The following BUD23 variants were observed in gnomAD, a reference collection of about 807,000 sequenced individuals.
The protein encoded by BUD23 is BUD23 rRNA methyltransferase and ribosome maturation factor.
In BUD23, 34 loss-of-function variants were observed where a neutral mutation model predicts 47.0. The ratio of observed to expected loss-of-function variants is 0.72; its 90% CI spans 0.55 to 0.96. The LOEUF is 0.96. BUD23 is among the 40% of genes least tolerant of loss of function. The probability of loss-of-function intolerance (pLI) is 0.00; values close to 1 mark genes in which losing one functional copy is unlikely to be tolerated. For missense variants in BUD23, 343 were observed against 361.2 expected (o/e 0.95, Z 0.41); for synonymous variants, 124 against 132.0 (o/e 0.94, Z 0.41).
chr7:73,694,994 A>C (rs1798344916), intron 10 of BUD23: 1 of 152,274 alleles, frequency 6.6e-6, no homozygotes, highest in African/African-American at 2.4e-5. Context: ...TCTGTTACCC[A>C]GGCTAGAGTG....
chr7:73,690,063 CA>C (rs1167326657), intron 5 of BUD23, among the ~76,000 whole-genome samples: 1 of 151,936 alleles, frequency 6.6e-6, no homozygotes, highest in African/African-American at 2.4e-5. Context: ...GGCTGGAGTA[CA>C]GTGGCACAAG....
chr7:73,684,826 A>C (rs2116664540), intron 2 of BUD23, among the ~76,000 whole-genome samples: 1 of 143,808 alleles, frequency 7.0e-6, no homozygotes, highest in African/African-American at 2.6e-5. Context: ...CGGGAGGCTG[A>C]GGCAGGAGAA....
chr7:73,691,859 G>A (rs55784670), intron 6 of BUD23, among the ~76,000 whole-genome samples: 39,920 of 151,964 alleles, frequency 0.26, 6,373 homozygotes, highest in South Asian at 0.35. Flanking sequence ...CTGGCATCAG[G>A]CTCCCAAAGT....
chr7:73,694,168 G>A (rs1287474623), intron 10 of BUD23, 118 bp downstream of exon 10: 3 of 1,080,308 alleles, frequency 2.8e-6, no homozygotes, highest in Non-Finnish European at 4.0e-6. Flanking sequence ...GGGACACCAA[G>A]GTGACGGTAG....
At chr7:73,692,707 TG>T in intron 7 of BUD23, 61 bp downstream of exon 7, 1 of 1,520,124 alleles carries the variant, frequency 6.6e-7, no homozygotes. Context: ...TAAGCTGTCC[TG>T]GGGAAGCGAC....
chr7:73,692,807 AG>A (rs1332799218), intron 7 of BUD23, 161 bp downstream of exon 7: 2 of 649,304 alleles, frequency 3.1e-6, no homozygotes, highest in East Asian at 2.8e-5. Context: ...TGATATCCTA[AG>A]GGGGTGGCAT....
At position 73,692,644 on chromosome 7, in the gene BUD23, C is replaced by T. The variant is rs1798235860; in HGVS notation, c.508C>T (p.Gln170Ter). 2.5e-6 allele frequency: 4 copies of T among 1,613,230 alleles called. No homozygotes were observed. Among genetic ancestry groups the T allele is most frequent in the Non-Finnish European group, 2.5e-6 (3 of 1,179,286 alleles). ...GCAGCTGTACCCTGAGAACTCAGAG[C>T]AGGTGAGTCCCTCGGCTACTGGGTG... Reference protein sequence around the residue: ...VLQLYPENSEQLELITTQATK... With the variant: ...VLQLYPENSE Residue 170 changes from glutamine to a stop codon, truncating the protein, a stop_gained and splice_region_variant, in exon 7 of 12, where the codon CAG becomes TAG. Coordinates refer to ENST00000265758, the MANE Select transcript of BUD23 (RefSeq NM_017528.5). LOFTEE classifies it high-confidence loss of function.
At chr7:73,684,014 C>T in intron 2 of BUD23, 2 of 1,435,060 alleles carry the variant, frequency 1.4e-6, no homozygotes, top group Non-Finnish European at 9.1e-7. Context: ...GGGGTGATCG[C>T]GCTTGCTTTC....
chr7:73,693,801 G>A, intron 9 of BUD23, 132 bp downstream of exon 9: 1 of 1,369,224 alleles, frequency 7.3e-7, no homozygotes, highest in Non-Finnish European at 1.0e-6. Context: ...ACCCTGGAGT[G>A]CTCACATCCT....
intron 2 of BUD23, among the ~76,000 whole-genome samples, chr7:73,684,738 C>T (rs1255575110): frequency 1.3e-5 from 2 of 150,926 alleles, no homozygotes; most frequent in Non-Finnish European, 2.9e-5. Flanking sequence ...GCCTGGCCAA[C>T]ATGGCGAAAC....
At chr7:73,688,003 C>T (rs1798044986) in intron 5 of BUD23, among the ~76,000 whole-genome samples, 1 of 151,116 alleles carries the variant, frequency 6.6e-6, no homozygotes, top group Non-Finnish European at 1.5e-5. Flanking sequence ...TCAAGCCATT[C>T]ACCTGCCTCA....
chr7:73,694,082 C>T lies in BUD23; in HGVS notation c.701+32C>T, dbSNP rs200944369. On this transcript the variant is annotated intron_variant, in intron 10 of 11. Transcript: ENST00000265758. ...CAACTGCTGAAGCCTGCCCCGGCTG[C>T]AGCGGGGGCTGCCACATTTGTTAGA... The T allele has an allele frequency of 4.8e-5, 77 of 1,590,690 alleles. 2 individuals carry two copies. In the African/African-American group the frequency reaches 8.2e-4, roughly 17 times the overall value.
At chr7:73,693,463 G>T (rs782568152) in intron 8 of BUD23, 49 bp downstream of exon 8, 1 of 1,609,944 alleles carries the variant, frequency 6.2e-7, no homozygotes, top group Non-Finnish European at 8.5e-7. Flanking sequence ...AGGGAGGGTA[G>T]TGGCATAGCC....
rs782037351 is a variant in BUD23 at position 73,683,868 on chromosome 7, C to T, written c.86+64C>T. ...GGGAAGCGGCAAGTTGCCCCTGTTG[C>T]TGGCGTTGCCCGGAAAGGCCGTAGA... On this transcript the variant is annotated intron_variant, in intron 2 of 11. Transcript: ENST00000265758. 3.7e-6 allele frequency: 6 copies of T among 1,613,784 alleles called. No individual in the cohort carries two copies. In the Admixed American group the frequency reaches 6.7e-5, roughly 18 times the overall value.
At chr7:73,684,219 A>G (rs1334739799) in intron 2 of BUD23, among the ~76,000 whole-genome samples, 1 of 152,086 alleles carries the variant, frequency 6.6e-6, no homozygotes, top group African/African-American at 2.4e-5. Context: ...TGAATTTCAT[A>G]GAGGGTAGTT....
intron 6 of BUD23, among the ~76,000 whole-genome samples, chr7:73,691,465 C>T (rs559107843): frequency 6.6e-6 from 1 of 152,110 alleles, no homozygotes; most frequent in African/African-American, 2.4e-5. Flanking sequence ...TCCTTTTCTT[C>T]GGATGAGGAA....
chr7:73,684,617 AG>A (rs35734688), intron 2 of BUD23, among the ~76,000 whole-genome samples: 3,144 of 86,522 alleles, frequency 0.036, 66 homozygotes, highest in African/African-American at 0.13. Flanking sequence ...AAAAAAAAAA[AG>A]GGGGGGGGAT....
At chr7:73,691,729 AG>A (rs1436990804) in intron 6 of BUD23, among the ~76,000 whole-genome samples, 1 of 151,424 alleles carries the variant, frequency 6.6e-6, no homozygotes, top group Non-Finnish European at 1.5e-5. Context: ...CTTCTCAAGT[AG>A]TTTGGACTAC....
intron 10 of BUD23, chr7:73,694,836 C>G (rs1798337833): frequency 6.6e-6 from 1 of 152,424 alleles, no homozygotes; most frequent in Non-Finnish European, 1.5e-5. Context: ...TGGGCCCAGC[C>G]TGGATTGGAT....
Sources: gnomAD v4.1 joint callset for allele counts (sites outside exome capture counted in the v4.1 genomes callset) on GRCh38, gnomAD v4.1.1 for gene constraint, MANE v1.5 for transcripts, NCBI Gene and HGNC (gene_info 2026-07-23, HGNC 2026-07-21) for gene names.